The following MICU2 variants were observed in gnomAD, a reference collection of about 807,000 sequenced individuals.
The protein encoded by MICU2 is mitochondrial calcium uptake 2.
A neutral mutation model predicts 60.4 loss-of-function variants in MICU2; 64 were observed. The observed-to-expected ratio is 1.06, with a 90% CI of 0.87 to 1.31. MICU2 has a LOEUF of 1.31. MICU2 is among the 50% of genes most tolerant of loss of function. The probability of loss-of-function intolerance (pLI) is 0.00; values close to 1 mark genes in which losing one functional copy is unlikely to be tolerated. For synonymous variants in MICU2, 201 were observed against 175.0 expected (o/e 1.15, Z -1.17); for missense variants, 569 against 531.0 (o/e 1.07, Z -0.70).
intron 1 of MICU2, among the ~76,000 whole-genome samples, chr13:21,596,473 G>C (rs909538485): frequency 1.6e-4 from 25 of 151,762 alleles, no homozygotes; most frequent in African/African-American, 6.0e-4. Context: ...ACCCAGGCTG[G>C]AGTGCAGTGG....
intron 1 of MICU2, among the ~76,000 whole-genome samples, chr13:21,584,292 G>A (rs1339127441): frequency 6.6e-6 from 1 of 151,992 alleles, no homozygotes; most frequent in Non-Finnish European, 1.5e-5. Flanking sequence ...GGGAGGCTGG[G>A]GCAGGAGAAT....
chr13:21,521,187 T>G (rs1030752392), intron 6 of MICU2, 58 bp downstream of exon 6: 2 of 1,299,194 alleles, frequency 1.5e-6, no homozygotes, highest in African/African-American at 1.5e-5. Flanking sequence ...AATGTAAAAT[T>G]ATCACACAAA....
At chr13:21,545,340 C>T (rs902019136) in intron 2 of MICU2, among the ~76,000 whole-genome samples, 1 of 152,154 alleles carries the variant, frequency 6.6e-6, no homozygotes, top group Non-Finnish European at 1.5e-5. Context: ...AAGCCAAGAA[C>T]CAAAAGTTAA....
At chr13:21,522,063 A>C (rs1159794532) in intron 5 of MICU2, among the ~76,000 whole-genome samples, 1 of 152,234 alleles carries the variant, frequency 6.6e-6, no homozygotes, top group Non-Finnish European at 1.5e-5. Flanking sequence ...TCTAATGTTA[A>C]CATCTTACAT....
chr13:21,520,023 C>T (rs1368269971), intron 6 of MICU2, among the ~76,000 whole-genome samples: 1 of 152,172 alleles, frequency 6.6e-6, no homozygotes, highest in Admixed American at 6.5e-5. Context: ...ATTCCTGACT[C>T]TCTCCTGGCC....
intron 3 of MICU2, 105 bp from the exon 4 acceptor site, chr13:21,539,482 T>C (rs539550377): frequency 2.3e-6 from 3 of 1,331,666 alleles, no homozygotes; most frequent in South Asian, 1.3e-5. Flanking sequence ...TTTGTATTTT[T>C]AGTAGACACA....
Position 21,510,068 on chromosome 13 carries a change from T to G in MICU2, c.697A>C (p.Thr233Pro). The change falls in exon 8 of 12, where the codon ACT (threonine) becomes CCT (proline). Residue 233 changes from threonine to proline, a missense_variant. By Grantham distance (38) the Thr-to-Pro change is conservative (BLOSUM62 -1). Transcript: ENST00000382374. ...TTTCCAAAGAAACGCATCTGAAGAG[T>G]TGTGTTAATTTCAGGTTCTTTCACT... ...AIVKEPEINT[T>P]LQMRFFGKRG... The G allele has an allele frequency of 6.6e-7, 1 of 1,521,216 alleles. No homozygotes were observed. Among genetic ancestry groups the G allele is most frequent in the African/African-American group, 1.4e-5 (1 of 70,272 alleles). 94.2% of individuals were successfully genotyped at this position (1,521,216 alleles called of 1,614,324 possible).
chr13:21,498,369 C>CT (rs34890922), intron 9 of MICU2, among the ~76,000 whole-genome samples: 7,318 of 78,316 alleles, frequency 0.093, 1,607 homozygotes, highest in East Asian at 0.41. Context: ...ATATCCTATT[C>CT]TTTTTTTTTT....
chr13:21,573,293 A>AT (rs1888154139), intron 1 of MICU2, among the ~76,000 whole-genome samples: 1 of 149,534 alleles, frequency 6.7e-6, no homozygotes, highest in Non-Finnish European at 1.5e-5. Flanking sequence ...TTTTTTTTTG[A>AT]GACGGAGTCT....
At chr13:21,552,133 G>A (rs1164925097) in intron 2 of MICU2, among the ~76,000 whole-genome samples, 2 of 152,104 alleles carry the variant, frequency 1.3e-5, no homozygotes, top group African/African-American at 4.8e-5. Context: ...ATTCTAACTG[G>A]TGTGAGATGG....
At chr13:21,574,486 T>C (rs1888180201) in intron 1 of MICU2, among the ~76,000 whole-genome samples, 1 of 152,270 alleles carries the variant, frequency 6.6e-6, no homozygotes, top group African/African-American at 2.4e-5. Context: ...TGATGACTTC[T>C]GTTAAAACAT....
At position 21,597,703 on chromosome 13, in the gene MICU2, G is replaced by A. The variant is rs939564360; in HGVS notation, c.210+6236C>T. On this transcript the variant is annotated intron_variant, in intron 1 of 11. Transcript: ENST00000382374. Reference sequence around the variant, plus strand: ...AGCAGGGATTTTGGGAGGCCGAGGCGGGTGGATCACGAGGTCAGGAGATTG... The same window carrying A: ...AGCAGGGATTTTGGGAGGCCGAGGCAGGTGGATCACGAGGTCAGGAGATTG... Among the ~76,000 whole-genome samples, 4 of 152,140 alleles carry A rather than the reference G, an allele frequency of 2.6e-5. 1 individual carries two copies. The highest frequency in any genetic ancestry group is 4.2e-4 in the South Asian group (2 of 4,816).
chr13:21,542,588 GA>G (rs1887311009), intron 2 of MICU2, among the ~76,000 whole-genome samples: 3 of 152,218 alleles, frequency 2.0e-5, no homozygotes, highest in Admixed American at 2.0e-4. Context: ...CAGGAAAAAA[GA>G]TCTAGAATTG....
intron 4 of MICU2, among the ~76,000 whole-genome samples, chr13:21,532,184 G>A (rs1887017239): frequency 1.3e-5 from 2 of 152,196 alleles, no homozygotes; most frequent in South Asian, 2.1e-4. Flanking sequence ...TCTATCTGAA[G>A]AGTCAAAACT....
At chr13:21,582,015 A>C (rs1020345108) in intron 1 of MICU2, among the ~76,000 whole-genome samples, 9 of 152,210 alleles carry the variant, frequency 5.9e-5, no homozygotes, top group African/African-American at 2.2e-4. Flanking sequence ...GGATGTGGCA[A>C]CAAAGCCACT....
intron 1 of MICU2, among the ~76,000 whole-genome samples, chr13:21,599,636 C>G (rs1336724490): frequency 6.6e-6 from 1 of 152,196 alleles, no homozygotes; most frequent in Non-Finnish European, 1.5e-5. Flanking sequence ...ACGAATTTAT[C>G]TTTTAAATGT....
chr13:21,577,423 G>A (rs1888249460), intron 1 of MICU2, among the ~76,000 whole-genome samples: 1 of 151,896 alleles, frequency 6.6e-6, no homozygotes, highest in South Asian at 2.1e-4. Context: ...GGGAGGCTGA[G>A]GGAAAAGGAT....
At chr13:21,514,272 G>T in intron 7 of MICU2, 81 bp downstream of exon 7, 3 of 1,179,924 alleles carry the variant, frequency 2.5e-6, no homozygotes, top group Admixed American at 2.1e-5. Flanking sequence ...CAAATCTATT[G>T]GTAACTATCG....
At chr13:21,598,334 T>C (rs1021252184) in intron 1 of MICU2, among the ~76,000 whole-genome samples, 3 of 152,202 alleles carry the variant, frequency 2.0e-5, no homozygotes, top group Non-Finnish European at 4.4e-5. Context: ...GATATCACTG[T>C]TGTCAACTGT....
Sources: allele counts gnomAD v4.1 joint callset (sites outside exome capture counted in the v4.1 genomes callset), GRCh38; gene constraint gnomAD v4.1.1; transcripts MANE v1.5; gene names NCBI Gene and HGNC (gene_info 2026-07-23, HGNC 2026-07-21).